The following CNBD1 variants were observed in gnomAD, a reference collection of about 807,000 sequenced individuals.
CNBD1 encodes the protein cyclic nucleotide-binding domain-containing protein 1.
Under a neutral mutation model 54.4 loss-of-function variants are expected in CNBD1, and 71 were observed. That is an observed-to-expected ratio of 1.30 (90% CI 1.08 to 1.59). CNBD1 has a LOEUF of 1.59. Ranked by LOEUF, CNBD1 falls within the 40% of genes most tolerant of loss-of-function variation. CNBD1 has a pLI of 0.00. For synonymous variants in CNBD1, 182 were observed against 170.7 expected, an observed-to-expected ratio of 1.07 and a Z score of -0.51; for missense variants, 659 against 518.0, an observed-to-expected ratio of 1.27 and a Z score of -2.64.
intron 4 of CNBD1, among the ~76,000 whole-genome samples, chr8:86,948,231 G>T (rs1807517038): frequency 6.6e-6 from 1 of 152,080 alleles, no homozygotes; most frequent in African/African-American, 2.4e-5. Flanking sequence ...TGGGAATAGA[G>T]ATATCTCTTC....
intron 8 of CNBD1, among the ~76,000 whole-genome samples, chr8:87,344,607 C>T (rs1240074401): frequency 6.6e-6 from 1 of 151,924 alleles, no homozygotes; most frequent in Admixed American, 6.6e-5. Flanking sequence ...AATGGTTTAC[C>T]TGCCCCTGTG....
intron 2 of CNBD1, among the ~76,000 whole-genome samples, chr8:87,415,122 G>A (rs1019000720): frequency 3.3e-5 from 5 of 152,028 alleles, no homozygotes; most frequent in Admixed American, 6.6e-5. Flanking sequence ...CCCCAAAGGT[G>A]CTTTACCACA....
At chr8:87,067,427 G>T (rs16896815) in intron 4 of CNBD1, among the ~76,000 whole-genome samples, 2,173 of 151,838 alleles carry the variant, frequency 0.014, 39 homozygotes, top group African/African-American at 0.047. Context: ...TGTTGCTACC[G>T]GGAAGCATTT....
intron 2 of CNBD1, among the ~76,000 whole-genome samples, chr8:87,415,322 G>T (rs1031932928): frequency 1.1e-4 from 16 of 151,998 alleles, no homozygotes; most frequent in South Asian, 2.1e-4. Context: ...AGAGTCCTAA[G>T]GTACTGCTGC....
intron 4 of CNBD1, among the ~76,000 whole-genome samples, chr8:87,094,574 CT>C (rs1811281082): frequency 6.6e-6 from 1 of 151,834 alleles, no homozygotes; most frequent in Non-Finnish European, 1.5e-5. Flanking sequence ...ATTTATTATA[CT>C]TTCAAACCCA....
chr8:87,327,411 T>TGCC (rs1809703060), intron 8 of CNBD1, among the ~76,000 whole-genome samples: 1 of 151,640 alleles, frequency 6.6e-6, no homozygotes, highest in Non-Finnish European at 1.5e-5. Context: ...CCCTCGCTGC[T>TGCC]GCCTTGCAGT....
intron 4 of CNBD1, among the ~76,000 whole-genome samples, chr8:86,989,834 C>T (rs1252483268): frequency 1.3e-5 from 2 of 152,128 alleles, no homozygotes; most frequent in Non-Finnish European, 2.9e-5. Flanking sequence ...CCCTTTTCTC[C>T]ACATCCTTGC....
At chr8:87,155,384 A>C (rs1293985165) in intron 4 of CNBD1, among the ~76,000 whole-genome samples, 2 of 152,154 alleles carry the variant, frequency 1.3e-5, no homozygotes, top group African/African-American at 4.8e-5. Context: ...TAGAAGATAT[A>C]TTAAAGGAGG....
chr8:86,880,340 T>TA (rs144555916), intron 1 of CNBD1, among the ~76,000 whole-genome samples: 70,061 of 150,120 alleles, frequency 0.47, 16,441 homozygotes, highest in East Asian at 0.56. Context: ...TTAGAAAAAA[T>TA]AAAAAAAAAC....
chr8:86,922,719 G>T (rs1809294386), intron 3 of CNBD1, among the ~76,000 whole-genome samples: 1 of 152,116 alleles, frequency 6.6e-6, no homozygotes, highest in Non-Finnish European at 1.5e-5. Context: ...TAAAAGGAAG[G>T]TACTTTCGTT....
At chr8:87,335,434 A>T (rs191467301) in intron 8 of CNBD1, among the ~76,000 whole-genome samples, 1 of 152,226 alleles carries the variant, frequency 6.6e-6, no homozygotes, top group East Asian at 1.9e-4. Context: ...CTTCTTGTTG[A>T]ATTGATCCCT....
chr8:87,422,236 C>T (rs571263188), intron 2 of CNBD1, among the ~76,000 whole-genome samples: 1 of 146,190 alleles, frequency 6.8e-6, no homozygotes, highest in South Asian at 2.1e-4. Flanking sequence ...CCTGTTCACT[C>T]TGATGGTAGT....
At chr8:87,143,399 A>G (rs993026288) in intron 4 of CNBD1, among the ~76,000 whole-genome samples, 1 of 152,154 alleles carries the variant, frequency 6.6e-6, no homozygotes, top group African/African-American at 2.4e-5. Flanking sequence ...TAGTTCACTC[A>G]AGTCCCCTCA....
intron 3 of CNBD1, among the ~76,000 whole-genome samples, chr8:86,920,527 T>G (rs1586135254): frequency 6.6e-6 from 1 of 152,250 alleles, no homozygotes. Flanking sequence ...ACAAAAGAAT[T>G]TTGGCAATGT....
intron 4 of CNBD1, among the ~76,000 whole-genome samples, chr8:86,992,704 T>G (rs77766369): frequency 0.02 from 3,001 of 152,246 alleles, 40 homozygotes; most frequent in Non-Finnish European, 0.03. Context: ...TGAGAAGGAT[T>G]ATCTCTCCTT....
chr8:86,933,387 A>G (rs889537709), intron 3 of CNBD1, among the ~76,000 whole-genome samples: 2 of 152,196 alleles, frequency 1.3e-5, no homozygotes, highest in Admixed American at 1.3e-4. Flanking sequence ...TGGTACATAC[A>G]TATAATGAAA....
intron 2 of CNBD1, among the ~76,000 whole-genome samples, chr8:87,399,554 A>G (rs1447555133): frequency 6.6e-6 from 1 of 152,054 alleles, no homozygotes; most frequent in Admixed American, 6.6e-5. Flanking sequence ...TGGATAATTT[A>G]TGAACCTAAT....
chr8:87,234,555 C>CT (rs1434686409), intron 5 of CNBD1, among the ~76,000 whole-genome samples: 3 of 152,082 alleles, frequency 2.0e-5, no homozygotes, highest in Admixed American at 6.5e-5. Flanking sequence ...TGAAAGGAGT[C>CT]TTTTTTCTGA....
At position 87,288,553 on chromosome 8, in the gene CNBD1, T is replaced by C. The variant is rs562069966; in HGVS notation, c.1042+1882T>C. ...GTGTTTTAATATGTTTGATTACTAA[T>C]GATAATCTGTCTCTTGATCTAAAAT... On this transcript the variant is annotated intron_variant, in intron 8 of 10. Transcript: ENST00000518476. Among the ~76,000 whole-genome samples, 18 of 152,222 alleles carry C rather than the reference T, an allele frequency of 1.2e-4. No homozygotes were observed. The South Asian group carries it at 3.7e-3, about 32-fold the overall frequency.
Sources: gnomAD v4.1 joint callset for allele counts (sites outside exome capture counted in the v4.1 genomes callset) on GRCh38, gnomAD v4.1.1 for gene constraint, MANE v1.5 for transcripts, NCBI Gene and HGNC (gene_info 2026-07-23, HGNC 2026-07-21) for gene names.